The following AGBL1 variants were observed in gnomAD, a reference collection of about 807,000 sequenced individuals.
AGBL1 encodes the protein AGBL carboxypeptidase 1.
Under a neutral mutation model 118.9 loss-of-function variants are expected in AGBL1, and 130 were observed. The observed-to-expected ratio is 1.09, with a 90% CI of 0.95 to 1.26. AGBL1 has a LOEUF of 1.26. Among genes scored for constraint, AGBL1 ranks in the 50% most tolerant of loss-of-function variants. AGBL1 has a pLI of 0.00. For missense variants in AGBL1, 1,584 were observed against 1,298.1 expected (o/e 1.22, Z -3.38); for synonymous variants, 555 against 478.9 (o/e 1.16, Z -2.08).
intron 22 of AGBL1, among the ~76,000 whole-genome samples, chr15:86,674,913 A>T (rs1209499596): frequency 6.6e-6 from 1 of 152,206 alleles, no homozygotes. Flanking sequence ...GAAGATGATT[A>T]ATACTTTGGC....
At chr15:86,113,790 T>C (rs1318422093) in intron 1 of AGBL1, among the ~76,000 whole-genome samples, 1 of 152,202 alleles carries the variant, frequency 6.6e-6, no homozygotes, top group Non-Finnish European at 1.5e-5. Context: ...TTCCCAATAG[T>C]ACCGTTTTAC....
intron 1 of AGBL1, among the ~76,000 whole-genome samples, chr15:86,139,280 C>T (rs936727236): frequency 1.3e-5 from 2 of 151,108 alleles, no homozygotes; most frequent in Non-Finnish European, 3.0e-5. Context: ...CACACTGTCT[C>T]TGAGTTCAGG....
Position 86,845,473 on chromosome 15 carries a change from C to CT in AGBL1, c.3159-61607dup, listed in dbSNP as rs1274290662. On this transcript the variant is annotated intron_variant, in intron 22 of 22. Coordinates refer to ENST00000614907, the MANE Select transcript of AGBL1 (RefSeq NM_001386094.1). ...TCTCACTTAGTCATGATGTACAATC[C>CT]TTTTTTTAATGCTTTGCCCAATTTG... 5.9e-5 allele frequency among the ~76,000 whole-genome samples: 9 copies of CT among 152,082 alleles called. No homozygotes were observed. The South Asian group carries it at 8.3e-4, about 14-fold the overall frequency.
chr15:86,790,478 G>A (rs1339260733), intron 22 of AGBL1, among the ~76,000 whole-genome samples: 4 of 152,232 alleles, frequency 2.6e-5, no homozygotes, highest in African/African-American at 9.6e-5. Flanking sequence ...CTTCCTCAGA[G>A]CTTGGTGGGC....
chr15:86,625,138 G>A (rs2142420079), intron 21 of AGBL1, among the ~76,000 whole-genome samples: 1 of 152,210 alleles, frequency 6.6e-6, no homozygotes, highest in South Asian at 2.1e-4. Context: ...ACCAGGCAGG[G>A]GGTCAAGAGA....
At chr15:86,478,672 G>T (rs1314473067) in intron 18 of AGBL1, among the ~76,000 whole-genome samples, 1 of 152,140 alleles carries the variant, frequency 6.6e-6, no homozygotes, top group Non-Finnish European at 1.5e-5. Flanking sequence ...GTAATTTATA[G>T]ATTCAATGCC....
chr15:86,185,565 A>G (rs1258000098), intron 5 of AGBL1, among the ~76,000 whole-genome samples: 1 of 152,192 alleles, frequency 6.6e-6, no homozygotes, highest in African/African-American at 2.4e-5. Flanking sequence ...ACCACGGAAT[A>G]CTATGCAGCC....
chr15:86,470,874 G>A (rs1567010292), intron 18 of AGBL1, among the ~76,000 whole-genome samples: 1 of 152,140 alleles, frequency 6.6e-6, no homozygotes, highest in South Asian at 2.1e-4. Context: ...TGCTAATTAT[G>A]TGTCTTGCAG....
intron 22 of AGBL1, among the ~76,000 whole-genome samples, chr15:86,681,282 T>C (rs981686091): frequency 2.0e-5 from 3 of 152,218 alleles, no homozygotes; most frequent in Non-Finnish European, 4.4e-5. Context: ...TTAATTTTGG[T>C]GACTTTACAT....
intron 4 of AGBL1, among the ~76,000 whole-genome samples, chr15:86,158,230 CTG>C (rs142136527): frequency 0.05 from 7,600 of 152,254 alleles, 286 homozygotes; most frequent in Non-Finnish European, 0.076. Context: ...ATCTGAAAGA[CTG>C]TAGTGAGATG....
At chr15:86,566,362 C>A (rs1030217538) in intron 21 of AGBL1, among the ~76,000 whole-genome samples, 1 of 152,138 alleles carries the variant, frequency 6.6e-6, no homozygotes. Context: ...TTTGGCTGTT[C>A]TATCCACTAT....
At chr15:86,341,208 G>GT (rs1173489221) in intron 17 of AGBL1, among the ~76,000 whole-genome samples, 1 of 152,142 alleles carries the variant, frequency 6.6e-6, no homozygotes, top group East Asian at 1.9e-4. Context: ...GTCTCCCTGG[G>GT]TTTTTTGTGT....
chr15:86,625,595 A>G (rs35913396), intron 21 of AGBL1, among the ~76,000 whole-genome samples: 2 of 151,970 alleles, frequency 1.3e-5, no homozygotes, highest in Non-Finnish European at 2.9e-5. Flanking sequence ...CACAGAGAAT[A>G]TATTTGAATA....
intron 20 of AGBL1, among the ~76,000 whole-genome samples, chr15:86,547,352 T>C (rs573171559): frequency 6.6e-6 from 1 of 152,192 alleles, no homozygotes; most frequent in Non-Finnish European, 1.5e-5. Flanking sequence ...AGTCAGCATG[T>C]TTTTTACTTC....
In AGBL1 at chr15:86,479,965, C is replaced by T. The variant is rs1269283907; in HGVS notation, c.2556-42845C>T. On this transcript the variant is annotated intron_variant, in intron 18 of 22. Transcript: ENST00000614907. ...ATGGATGAAGCTGGAAACCATCATTCTCAGCAAACTATCGCAAGGACAAAA... is the reference window on the plus strand; with the variant it reads ...ATGGATGAAGCTGGAAACCATCATTTTCAGCAAACTATCGCAAGGACAAAA... Among the ~76,000 whole-genome samples the T allele has an allele frequency of 4.6e-5, 7 of 152,080 alleles. No homozygotes were observed. In the East Asian group the frequency reaches 5.8e-4, roughly 13 times the overall value.
At chr15:86,670,583 G>T (rs2085724696) in intron 21 of AGBL1, among the ~76,000 whole-genome samples, 1 of 133,696 alleles carries the variant, frequency 7.5e-6, no homozygotes, top group South Asian at 2.5e-4. Flanking sequence ...CAGCCTGGGT[G>T]ACAAGAGTGA....
At chr15:86,677,277 C>T (rs1000375986) in intron 22 of AGBL1, among the ~76,000 whole-genome samples, 1 of 152,160 alleles carries the variant, frequency 6.6e-6, no homozygotes, top group Non-Finnish European at 1.5e-5. Context: ...TGGTGGCTGA[C>T]GCTGAAAATG....
chr15:86,720,372 A>G (rs1272546010), intron 22 of AGBL1, among the ~76,000 whole-genome samples: 1 of 152,188 alleles, frequency 6.6e-6, no homozygotes, highest in Non-Finnish European at 1.5e-5. Flanking sequence ...TGTCATTCCT[A>G]GCCTCAAAAT....
At chr15:86,844,570 A>G (rs888998618) in intron 22 of AGBL1, among the ~76,000 whole-genome samples, 2 of 152,172 alleles carry the variant, frequency 1.3e-5, no homozygotes, top group Non-Finnish European at 2.9e-5. Flanking sequence ...TTGTCTACCT[A>G]TTAATGAGTT....
Sources: allele counts gnomAD v4.1 joint callset (sites outside exome capture counted in the v4.1 genomes callset), GRCh38; gene constraint gnomAD v4.1.1; transcripts MANE v1.5; gene names NCBI Gene and HGNC (gene_info 2026-07-23, HGNC 2026-07-21).